RPIA: variants seen among roughly 807,000 people sequenced by gnomAD.
RPIA encodes the protein ribose-5-phosphate isomerase.
Under a neutral mutation model 37.8 loss-of-function variants are expected in RPIA, and 29 were observed. That is an observed-to-expected ratio of 0.77 (90% CI 0.57 to 1.05). The LOEUF is 1.05. Among genes scored for constraint, RPIA ranks in the 50% least tolerant of loss-of-function variants. The pLI is 0.00. For synonymous variants in RPIA, 167 were observed against 157.0 expected (o/e 1.06, Z -0.48); for missense variants, 385 against 413.6 (o/e 0.93, Z 0.60).
At chr2:88,694,767 G>T (rs979080550) in intron 1 of RPIA, among the ~76,000 whole-genome samples, 7 of 152,122 alleles carry the variant, frequency 4.6e-5, no homozygotes, top group Non-Finnish European at 2.9e-5. Flanking sequence ...CTGTTTGTAC[G>T]TCATAAGATC....
rs375200964 is a variant in RPIA at position 88,734,541 on chromosome 2, C to T, written c.463-11C>T. ...AGTGGTTTTTGTATCTTTACCTTTC[C>T]CCCAATACAGATCGACCTTGCCATC... On this transcript the variant is annotated splice_polypyrimidine_tract_variant and intron_variant, in intron 4 of 8. Transcript: ENST00000283646. 6.2e-7 allele frequency: 1 copy of T among 1,614,088 alleles called. No homozygotes were observed. The highest frequency in any genetic ancestry group is 8.5e-7 in the Non-Finnish European group (1 of 1,179,962).
rs74548332 is a variant in RPIA, at chr2:88,737,450, C to T, written c.739-527C>T. Reference sequence around the variant, plus strand: ...GTGCTCTGACTGACGTTCAGATTGTCGGCACATGAAAGAAATGTAGCACAA... The same window carrying T: ...GTGCTCTGACTGACGTTCAGATTGTTGGCACATGAAAGAAATGTAGCACAA... On this transcript the variant is annotated intron_variant, in intron 7 of 8. Coordinates refer to ENST00000283646, the MANE Select transcript of RPIA (RefSeq NM_144563.3). Among the ~76,000 whole-genome samples the T allele has an allele frequency of 3.9e-4, 60 of 152,252 alleles. No individual in the cohort carries two copies. The East Asian group carries it at 4.8e-3, about 12-fold the overall frequency.
intron 3 of RPIA, among the ~76,000 whole-genome samples, chr2:88,708,754 A>ATTT (rs59981047): frequency 1.6e-5 from 2 of 128,146 alleles, no homozygotes; most frequent in African/African-American, 3.0e-5. Flanking sequence ...TGCCAAATGG[A>ATTT]TTTTTTTTTT....
intron 3 of RPIA, among the ~76,000 whole-genome samples, chr2:88,715,428 A>T (rs1031123830): frequency 1.3e-5 from 2 of 152,214 alleles, no homozygotes; most frequent in Non-Finnish European, 2.9e-5. Context: ...CATCTATAAG[A>T]ACAATGGGGG....
At chr2:88,737,642 G>A (rs1202333886) in intron 7 of RPIA, among the ~76,000 whole-genome samples, 1 of 152,178 alleles carries the variant, frequency 6.6e-6, no homozygotes, top group African/African-American at 2.4e-5. Flanking sequence ...ACTAAAGGAA[G>A]TAAGAACAAT....
At chr2:88,749,027 C>T (rs1673471008) in intron 8 of RPIA, among the ~76,000 whole-genome samples, 1 of 152,228 alleles carries the variant, frequency 6.6e-6, no homozygotes, top group Non-Finnish European at 1.5e-5. Context: ...AGCCACCATA[C>T]CCAGCCTCTA....
chr2:88,725,260 G>A (rs1263184734), intron 3 of RPIA, among the ~76,000 whole-genome samples: 1 of 152,056 alleles, frequency 6.6e-6, no homozygotes, highest in East Asian at 1.9e-4. Context: ...CCAGTAGTGG[G>A]TCAAAACCCT....
chr2:88,693,744 G>C (rs1415396957), intron 1 of RPIA, among the ~76,000 whole-genome samples: 2 of 152,150 alleles, frequency 1.3e-5, no homozygotes, highest in Admixed American at 6.5e-5. Context: ...AGAATCTCTG[G>C]GGAGTAGGGC....
At chr2:88,699,679 G>GAA (rs959448324) in intron 2 of RPIA, among the ~76,000 whole-genome samples, 1 of 152,104 alleles carries the variant, frequency 6.6e-6, no homozygotes, top group African/African-American at 2.4e-5. Flanking sequence ...GCAAAATGCG[G>GAA]AAAATAATTT....
chr2:88,691,839 A>G lies in RPIA; in HGVS notation c.141A>G (p.Ala47=), dbSNP rs1376613424. ...CCCACGTGCGGCTGCCGGGGCGTGC[A>G]CAGTCTGGGACCCGTGGCGGTGCTG... The part of the protein sequence containing the change: ...PGSHVRLPGR[A]QSGTRGGAGN... Residue 47 remains alanine, a synonymous_variant, in exon 1 of 9, where the codon GCA becomes GCG. Coordinates refer to ENST00000283646, the MANE Select transcript of RPIA (RefSeq NM_144563.3). The G allele has an allele frequency of 6.3e-7, 1 of 1,597,890 alleles. No homozygotes were observed. Among genetic ancestry groups the G allele is most frequent in the African/African-American group, 1.3e-5 (1 of 74,536 alleles).
chr2:88,744,510 A>G (rs1673419365), intron 8 of RPIA, among the ~76,000 whole-genome samples: 1 of 152,174 alleles, frequency 6.6e-6, no homozygotes, highest in African/African-American at 2.4e-5. Context: ...TGTTAAGTCC[A>G]TTTGCTCCAG....
At chr2:88,696,716 C>A (rs1672753169) in intron 1 of RPIA, among the ~76,000 whole-genome samples, 1 of 151,964 alleles carries the variant, frequency 6.6e-6, no homozygotes, top group Non-Finnish European at 1.5e-5. Context: ...AATAGAATAC[C>A]TGAGAATGAG....
At chr2:88,734,242 C>T (rs781524371) in intron 4 of RPIA, among the ~76,000 whole-genome samples, 18 of 152,094 alleles carry the variant, frequency 1.2e-4, no homozygotes, top group Admixed American at 2.0e-4. Context: ...GAGGTGATAG[C>T]ACCCACACTG....
intron 1 of RPIA, among the ~76,000 whole-genome samples, chr2:88,698,189 A>G (rs1384277018): frequency 6.6e-6 from 1 of 151,148 alleles, no homozygotes; most frequent in Non-Finnish European, 1.5e-5. Flanking sequence ...GTTGCTATTC[A>G]GTTGCAAGTA....
intron 8 of RPIA, among the ~76,000 whole-genome samples, chr2:88,746,055 T>C (rs996135576): frequency 5.3e-5 from 8 of 152,032 alleles, no homozygotes; most frequent in Admixed American, 2.6e-4. Flanking sequence ...GTTCTTTTTT[T>C]CTACTCGTTC....
chr2:88,717,031 C>G (rs1673045377), intron 3 of RPIA, among the ~76,000 whole-genome samples: 1 of 152,096 alleles, frequency 6.6e-6, no homozygotes. Context: ...CCAGCAAGAC[C>G]CTCGGTTTAG....
chr2:88,707,340 T>C (rs1415664937), intron 3 of RPIA, among the ~76,000 whole-genome samples: 40 of 152,210 alleles, frequency 2.6e-4, no homozygotes, highest in Admixed American at 2.6e-3. Flanking sequence ...CACTTTTAGC[T>C]TGTCCTAACA....
chr2:88,714,163 T>TTTTGTTTGTTTG (rs201805836), intron 3 of RPIA, among the ~76,000 whole-genome samples: 3 of 151,546 alleles, frequency 2.0e-5, no homozygotes, highest in Non-Finnish European at 4.4e-5. Flanking sequence ...TTTTTTGTTT[T>TTTTGTTTGTTTG]TTTGTTTGTT....
intron 4 of RPIA, among the ~76,000 whole-genome samples, chr2:88,734,240 A>T (rs1673287359): frequency 6.6e-6 from 1 of 152,034 alleles, no homozygotes; most frequent in Non-Finnish European, 1.5e-5. Context: ...GGGAGGTGAT[A>T]GCACCCACAC....
Sources: allele counts gnomAD v4.1 joint callset (sites outside exome capture counted in the v4.1 genomes callset), GRCh38; gene constraint gnomAD v4.1.1; transcripts MANE v1.5; gene names NCBI Gene and HGNC (gene_info 2026-07-23, HGNC 2026-07-21).